The following CDH13 variants were observed in gnomAD, a reference collection of about 807,000 sequenced individuals.
CDH13 encodes the protein cadherin 13.
A neutral mutation model predicts 63.8 loss-of-function variants in CDH13; 24 were observed. The observed-to-expected ratio is 0.38, with a 90% CI of 0.27 to 0.53. The LOEUF is 0.53. Ranked by LOEUF, CDH13 falls within the 20% of genes least tolerant of loss-of-function variation. The pLI, the probability that CDH13 is intolerant of heterozygous loss-of-function variation, is 0.85. For synonymous variants in CDH13, 503 were observed against 355.3 expected (o/e 1.42, Z -4.67); for missense variants, 1,049 against 903.1 (o/e 1.16, Z -2.07).
At chr16:82,833,911 C>A (rs2038652983) in intron 1 of CDH13, among the ~76,000 whole-genome samples, 1 of 152,276 alleles carries the variant, frequency 6.6e-6, no homozygotes, top group East Asian at 1.9e-4. Context: ...AATGCTACTG[C>A]ATTTTGTATT....
At chr16:83,405,824 G>C (rs970296116) in intron 6 of CDH13, among the ~76,000 whole-genome samples, 5 of 152,148 alleles carry the variant, frequency 3.3e-5, no homozygotes, top group African/African-American at 1.2e-4. Flanking sequence ...GCTGTGGTTG[G>C]TATCACGTTG....
At chr16:83,283,721 G>A (rs1439934946) in intron 5 of CDH13, among the ~76,000 whole-genome samples, 3 of 151,908 alleles carry the variant, frequency 2.0e-5, no homozygotes, top group Non-Finnish European at 2.9e-5. Context: ...TGCCATCATC[G>A]GCCTCTCTGT....
chr16:83,145,598 T>C (rs1188352147), intron 4 of CDH13, among the ~76,000 whole-genome samples: 1 of 152,236 alleles, frequency 6.6e-6, no homozygotes, highest in East Asian at 1.9e-4. Context: ...CACTTTGATA[T>C]TCTGCCTTTG....
At chr16:83,468,266 C>G (rs902334751) in intron 6 of CDH13, among the ~76,000 whole-genome samples, 10 of 152,098 alleles carry the variant, frequency 6.6e-5, no homozygotes, top group African/African-American at 2.4e-4. Context: ...AAGAAAGAGG[C>G]AACAGGAGAG....
At chr16:83,254,955 CTTTCTTTCTT>C in intron 5 of CDH13, among the ~76,000 whole-genome samples, 1 of 2,676 alleles carries the variant, frequency 3.7e-4, no homozygotes, top group Non-Finnish European at 5.2e-3. Flanking sequence ...TTTTCTCTTT[CTTTCTTTCTT>C]TCTTTCTTTC....
chr16:82,759,503 G>T (rs1284919887), intron 1 of CDH13, among the ~76,000 whole-genome samples: 3 of 150,268 alleles, frequency 2.0e-5, no homozygotes, highest in Non-Finnish European at 4.4e-5. Context: ...GTTAAATAGG[G>T]GATTGTATAT....
intron 13 of CDH13, 118 bp from the exon 14 acceptor site, chr16:83,794,905 C>T (rs1904274845): frequency 2.2e-6 from 2 of 894,664 alleles, no homozygotes; most frequent in African/African-American, 1.7e-5. Context: ...CCCCCATAGT[C>T]GTGTGATGTT....
At chr16:82,736,727 C>T (rs141155985) in intron 1 of CDH13, among the ~76,000 whole-genome samples, 1 of 152,208 alleles carries the variant, frequency 6.6e-6, no homozygotes, top group East Asian at 1.9e-4. Context: ...CACAGTCACT[C>T]TCTCCACCTT....
Position 83,795,819 on chromosome 16 carries a change from C to T in CDH13, c.*789C>T, listed in dbSNP as rs1904278115. The T allele has an allele frequency of 6.6e-6, 1 of 152,652 alleles. No homozygotes were observed. Among genetic ancestry groups the T allele is most frequent in the South Asian group, 2.1e-4 (1 of 4,828 alleles). 9.5% of individuals were successfully genotyped at this position (152,652 alleles called of 1,614,324 possible). On this transcript the variant is annotated 3_prime_UTR_variant, in exon 14 of 14. Coordinates refer to ENST00000567109, the MANE Select transcript of CDH13 (RefSeq NM_001257.5). ...ATTTTCTTTCATGGGCACCAACCTG[C>T]ATTTGTATGTGTCCCGAATCCACAG...
Position 83,486,655 on chromosome 16 carries a change from G to A in CDH13, c.960G>A (p.Glu320=), listed in dbSNP as rs1408186185. ...TVVSPALLDR[E]TLENPKYELI... ...TGTCACCTGCGCTGCTGGACCGAGA[G>A]GTGAGCTGAAAAGAATACACTTTCT... Residue 320 remains glutamate, a splice_region_variant and synonymous_variant, in exon 7 of 14, where the codon GAG becomes GAA. Coordinates refer to ENST00000567109, the MANE Select transcript of CDH13 (RefSeq NM_001257.5). 1.9e-6 allele frequency: 3 copies of A among 1,613,386 alleles called. No individual in the cohort carries two copies. The South Asian group carries it at 3.3e-5, about 18-fold the overall frequency.
At chr16:83,354,228 C>T (rs775773372) in intron 6 of CDH13, among the ~76,000 whole-genome samples, 3 of 152,214 alleles carry the variant, frequency 2.0e-5, no homozygotes, top group African/African-American at 7.2e-5. Flanking sequence ...GATCCTATCC[C>T]TGATACCAAA....
chr16:83,178,488 T>C (rs2038218879), intron 4 of CDH13, among the ~76,000 whole-genome samples: 1 of 152,214 alleles, frequency 6.6e-6, no homozygotes, highest in South Asian at 2.1e-4. Flanking sequence ...TATAGAATTA[T>C]AAGAATATTT....
intron 10 of CDH13, among the ~76,000 whole-genome samples, chr16:83,712,590 G>A (rs527262082): frequency 1.3e-5 from 2 of 152,332 alleles, no homozygotes; most frequent in East Asian, 1.9e-4. Context: ...CACAGGTGCT[G>A]TACCTGTACA....
chr16:82,772,385 A>G (rs2035304470), intron 1 of CDH13, among the ~76,000 whole-genome samples: 1 of 152,164 alleles, frequency 6.6e-6, no homozygotes, highest in Non-Finnish European at 1.5e-5. Flanking sequence ...CATCTACTGC[A>G]GCACTCATGT....
At chr16:83,269,990 T>G (rs1003371311) in intron 5 of CDH13, among the ~76,000 whole-genome samples, 1 of 152,234 alleles carries the variant, frequency 6.6e-6, no homozygotes, top group Non-Finnish European at 1.5e-5. Context: ...AAGAAAATAA[T>G]GTACTACACC....
chr16:83,716,280 C>T (rs1372427242), intron 10 of CDH13, among the ~76,000 whole-genome samples: 1 of 152,138 alleles, frequency 6.6e-6, no homozygotes, highest in Non-Finnish European at 1.5e-5. Flanking sequence ...TCATGATCAC[C>T]AGAGGCCATA....
At chr16:83,215,377 C>A (rs1009356519) in intron 4 of CDH13, among the ~76,000 whole-genome samples, 1 of 151,928 alleles carries the variant, frequency 6.6e-6, no homozygotes, top group Admixed American at 6.6e-5. Flanking sequence ...CCACGCCCGG[C>A]CCACATAGTT....
At chr16:83,202,859 A>T (rs1460639028) in intron 4 of CDH13, among the ~76,000 whole-genome samples, 1 of 150,830 alleles carries the variant, frequency 6.6e-6, no homozygotes. Context: ...GTACACATGG[A>T]CATAAAGACA....
chr16:82,858,837 C>T (rs1265384936), intron 2 of CDH13: 1 of 315,192 alleles, frequency 3.2e-6, no homozygotes, highest in East Asian at 5.2e-5. Context: ...TGCTGTTCTA[C>T]CTGTAGTTTC....
Sources: allele counts gnomAD v4.1 joint callset (sites outside exome capture counted in the v4.1 genomes callset), GRCh38; gene constraint gnomAD v4.1.1; transcripts MANE v1.5; gene names NCBI Gene and HGNC (gene_info 2026-07-23, HGNC 2026-07-21).